MAF: variants seen among roughly 807,000 people sequenced by gnomAD.
MAF encodes MAF bZIP transcription factor.
MAF carries 10 observed loss-of-function variants against 22.0 expected under a neutral mutation model. The ratio of observed to expected loss-of-function variants is 0.45; its 90% CI spans 0.28 to 0.77. The LOEUF is 0.77. Among genes scored for constraint, MAF ranks in the 30% least tolerant of loss-of-function variants. MAF has a pLI of 0.12. For synonymous variants in MAF, 337 were observed against 255.8 expected, an observed-to-expected ratio of 1.32 and a Z score of -3.03; for missense variants, 544 against 548.4, an observed-to-expected ratio of 0.99 and a Z score of 0.08.
chr16:79,371,246 G>C, the MAF span, among the ~76,000 whole-genome samples: 3 of 152,026 alleles, frequency 2.0e-5, no homozygotes, highest in Non-Finnish European at 4.4e-5. Flanking sequence ...TTACACAGAG[G>C]CTCCCAGAGT....
At chr16:79,491,286 C>T in the MAF span, among the ~76,000 whole-genome samples, 371 of 152,220 alleles carry the variant, frequency 2.4e-3, 2 homozygotes, top group African/African-American at 8.4e-3. Flanking sequence ...TTAGAGGAAC[C>T]GAGAGATTGG....
chr16:79,362,759 G>C, the MAF span, among the ~76,000 whole-genome samples: 4 of 152,306 alleles, frequency 2.6e-5, no homozygotes, highest in African/African-American at 9.6e-5. Flanking sequence ...TGCAGATGAA[G>C]CAGTATGGGT....
the MAF span, among the ~76,000 whole-genome samples, chr16:79,377,374 G>T: frequency 1.3e-5 from 2 of 151,940 alleles, no homozygotes; most frequent in Non-Finnish European, 2.9e-5. Flanking sequence ...TGATGGGGTT[G>T]TTTGTTTTTT....
At chr16:79,214,750 T>C in the MAF span, among the ~76,000 whole-genome samples, 2 of 127,056 alleles carry the variant, frequency 1.6e-5, no homozygotes, top group Admixed American at 8.6e-5. Context: ...TCTCACTCTG[T>C]TGCCCAGTCT....
At chr16:79,305,778 C>T in the MAF span, among the ~76,000 whole-genome samples, 24 of 152,220 alleles carry the variant, frequency 1.6e-4, no homozygotes, top group African/African-American at 4.1e-4. Context: ...GGGGGATGCA[C>T]AGAAGAGCTG....
chr16:79,566,477 G>A, the MAF span, among the ~76,000 whole-genome samples: 1 of 152,206 alleles, frequency 6.6e-6, no homozygotes, highest in African/African-American at 2.4e-5. Context: ...TGGGAAGGAA[G>A]GGCCCATGGG....
chr16:79,388,118 C>T, the MAF span, among the ~76,000 whole-genome samples: 84,514 of 152,022 alleles, frequency 0.56, 24,684 homozygotes, highest in African/African-American at 0.73. Flanking sequence ...TTACTTCTCC[C>T]TTCTCAAAGC....
At chr16:79,441,639 T>A in the MAF span, among the ~76,000 whole-genome samples, 1 of 152,248 alleles carries the variant, frequency 6.6e-6, no homozygotes, top group Non-Finnish European at 1.5e-5. Flanking sequence ...AAACTGACAG[T>A]CATTCTAAAA....
the MAF span, among the ~76,000 whole-genome samples, chr16:79,222,714 G>A: frequency 6.6e-6 from 1 of 151,956 alleles, no homozygotes; most frequent in Admixed American, 6.6e-5. Flanking sequence ...AAAAAAAGCA[G>A]GGTTGCAATC....
the MAF span, among the ~76,000 whole-genome samples, chr16:79,541,382 T>C: frequency 1.3e-5 from 2 of 152,174 alleles, no homozygotes; most frequent in African/African-American, 4.8e-5. Context: ...CCCAAACCCT[T>C]GTTGAGTGAG....
At chr16:79,554,636 T>A in the MAF span, among the ~76,000 whole-genome samples, 1 of 152,018 alleles carries the variant, frequency 6.6e-6, no homozygotes, top group African/African-American at 2.4e-5. Context: ...CATTACTCAG[T>A]CTCCCAGGAT....
chr16:79,366,214 T>C, the MAF span, among the ~76,000 whole-genome samples: 1 of 152,174 alleles, frequency 6.6e-6, no homozygotes, highest in Non-Finnish European at 1.5e-5. Context: ...GGAAAAAGAA[T>C]ATGTAAAATA....
At chr16:79,473,309 G>C in the MAF span, among the ~76,000 whole-genome samples, 1 of 152,114 alleles carries the variant, frequency 6.6e-6, no homozygotes, top group Non-Finnish European at 1.5e-5. Flanking sequence ...CAAAATCCAC[G>C]GTGGCAACCC....
the MAF span, among the ~76,000 whole-genome samples, chr16:79,462,538 T>G: frequency 1.3e-5 from 2 of 152,220 alleles, no homozygotes; most frequent in African/African-American, 4.8e-5. Context: ...TTGCCAAGGG[T>G]GTTCACACAC....
the MAF span, chr16:79,206,567 G>A: frequency 6.6e-6 from 1 of 152,198 alleles, no homozygotes; most frequent in Non-Finnish European, 1.5e-5. Context: ...CTCAATAAAT[G>A]CTAGTCATTG....
the MAF span, among the ~76,000 whole-genome samples, chr16:79,298,140 G>C: frequency 1.0e-3 from 157 of 152,372 alleles, no homozygotes; most frequent in African/African-American, 3.5e-3. Flanking sequence ...GATGAAGCCA[G>C]CTCAGGCGGA....
chr16:79,291,807 G>C, the MAF span, among the ~76,000 whole-genome samples: 1 of 147,606 alleles, frequency 6.8e-6, no homozygotes. Flanking sequence ...CTAGAAATTA[G>C]GTTTACAATG....
the MAF span, among the ~76,000 whole-genome samples, chr16:79,312,486 C>A: frequency 6.6e-6 from 1 of 152,236 alleles, no homozygotes; most frequent in South Asian, 2.1e-4. Flanking sequence ...CTTCTCTCTC[C>A]ATTGGCTTCT....
At chr16:79,480,044 C>T in the MAF span, among the ~76,000 whole-genome samples, 1 of 152,184 alleles carries the variant, frequency 6.6e-6, no homozygotes, top group South Asian at 2.1e-4. Context: ...ATTCTACTCT[C>T]TCCCTTAGGT....
Sources: gnomAD v4.1 joint callset for allele counts (sites outside exome capture counted in the v4.1 genomes callset) on GRCh38, gnomAD v4.1.1 for gene constraint, MANE v1.5 for transcripts, NCBI Gene and HGNC (gene_info 2026-07-23, HGNC 2026-07-21) for gene names.